The following SLC9A9 variants were observed in gnomAD, a reference collection of about 807,000 sequenced individuals.
SLC9A9 encodes the protein sodium/hydrogen exchanger 9.
Under a neutral mutation model 77.8 loss-of-function variants are expected in SLC9A9, and 62 were observed. The ratio of observed to expected loss-of-function variants is 0.80; its 90% confidence interval spans 0.65 to 0.98. SLC9A9 has a LOEUF of 0.98. Ranked by LOEUF, SLC9A9 falls within the 50% of genes least tolerant of loss-of-function variation. The pLI, the probability that SLC9A9 is intolerant of heterozygous loss-of-function variation, is 0.00. For missense variants in SLC9A9, 775 were observed against 774.9 expected (o/e 1.00, Z 0.00); for synonymous variants, 320 against 283.5 (o/e 1.13, Z -1.29).
intron 14 of SLC9A9, among the ~76,000 whole-genome samples, chr3:143,322,503 A>G (rs866353611): frequency 2.6e-5 from 4 of 151,988 alleles, no homozygotes; most frequent in Non-Finnish European, 5.9e-5. Flanking sequence ...CAGTCTCCAT[A>G]ACTACTGCAT....
rs866452033 is a variant in SLC9A9, at chr3:143,743,288, T to C, written c.534-49981A>G. 7.9e-4 allele frequency among the ~76,000 whole-genome samples: 94 copies of C among 119,716 alleles called. No individual in the cohort carries two copies. The Middle Eastern group carries it at 0.014, about 18-fold the overall frequency. 78.5% of individuals were successfully genotyped at this position (119,716 alleles called of 152,430 possible). On this transcript the variant is annotated intron_variant, in intron 4 of 15. Transcript: ENST00000316549. ...ATAGATAGATAGATAGATAGATAGA[T>C]AGACAGACAGATAGATAGATGATAG... is the stretch of plus-strand genomic sequence containing the variant.
chr3:143,811,967 C>A (rs999700567), intron 2 of SLC9A9, among the ~76,000 whole-genome samples: 1 of 151,806 alleles, frequency 6.6e-6, no homozygotes, highest in East Asian at 1.9e-4. Context: ...ATATGAGGCA[C>A]AAGGAACACC....
In SLC9A9 at chr3:143,486,148, T is replaced by G. The variant is rs1013351155; in HGVS notation, c.1315+7505A>C. ...TAGTCAAAACGCTAAAAGAAAAAAATAAAAAACAAAAACAAAAACAAAAAC... is the reference window on the plus strand; with the variant it reads ...TAGTCAAAACGCTAAAAGAAAAAAAGAAAAAACAAAAACAAAAACAAAAAC... On this transcript the variant is annotated intron_variant, in intron 11 of 15. Coordinates refer to ENST00000316549, the MANE Select transcript of SLC9A9 (RefSeq NM_173653.4). Among the ~76,000 whole-genome samples the G allele has an allele frequency of 2.6e-5, 4 of 151,670 alleles. No individual in the cohort carries two copies. The East Asian group carries it at 7.8e-4, about 29-fold the overall frequency.
chr3:143,426,499 A>G (rs778858912), intron 12 of SLC9A9, among the ~76,000 whole-genome samples: 1 of 152,200 alleles, frequency 6.6e-6, no homozygotes, highest in Non-Finnish European at 1.5e-5. Flanking sequence ...CCATTTCTGG[A>G]AAATGTAGTA....
intron 6 of SLC9A9, among the ~76,000 whole-genome samples, chr3:143,635,180 G>A (rs2038498432): frequency 6.6e-6 from 1 of 152,192 alleles, no homozygotes; most frequent in African/African-American, 2.4e-5. Flanking sequence ...CACATGTCTG[G>A]CAAGTCTTGC....
chr3:143,622,736 C>T (rs769469678), intron 6 of SLC9A9, among the ~76,000 whole-genome samples: 8 of 152,092 alleles, frequency 5.3e-5, no homozygotes, highest in South Asian at 2.1e-4. Flanking sequence ...GCTAACATCA[C>T]AATGACAGGA....
chr3:143,572,281 C>T (rs1265655263), intron 8 of SLC9A9, among the ~76,000 whole-genome samples: 1 of 150,520 alleles, frequency 6.6e-6, no homozygotes, highest in Admixed American at 6.7e-5. Flanking sequence ...CACAAATTGA[C>T]AATTCTTAGG....
At chr3:143,790,034 C>T (rs2008171147) in intron 4 of SLC9A9, among the ~76,000 whole-genome samples, 1 of 152,022 alleles carries the variant, frequency 6.6e-6, no homozygotes, top group Non-Finnish European at 1.5e-5. Flanking sequence ...GGGGAGGGAC[C>T]TTGTGGGAGG....
intron 12 of SLC9A9, among the ~76,000 whole-genome samples, chr3:143,439,726 G>A (rs1046748494): frequency 2.6e-5 from 4 of 151,914 alleles, no homozygotes; most frequent in African/African-American, 7.2e-5. Flanking sequence ...AGCACCCAAC[G>A]AATGAAAAGA....
chr3:143,552,700 C>T (rs1174022133), intron 8 of SLC9A9, among the ~76,000 whole-genome samples: 1 of 152,114 alleles, frequency 6.6e-6, no homozygotes, highest in African/African-American at 2.4e-5. Context: ...GTAGATTCTT[C>T]CTGGAGATAA....
At chr3:143,370,221 T>C (rs1364671282) in intron 13 of SLC9A9, among the ~76,000 whole-genome samples, 3 of 152,228 alleles carry the variant, frequency 2.0e-5, no homozygotes, top group Non-Finnish European at 2.9e-5. Flanking sequence ...TGAAAGGTAT[T>C]GAAATAACGA....
chr3:143,679,940 T>C (rs953042560), intron 5 of SLC9A9, among the ~76,000 whole-genome samples: 1 of 151,896 alleles, frequency 6.6e-6, no homozygotes, highest in East Asian at 1.9e-4. Flanking sequence ...ATGGAATAAA[T>C]AGGATAATGG....
At chr3:143,625,478 G>A (rs1343243027) in intron 6 of SLC9A9, among the ~76,000 whole-genome samples, 2 of 152,160 alleles carry the variant, frequency 1.3e-5, no homozygotes, top group Non-Finnish European at 2.9e-5. Context: ...ATAACCATCT[G>A]ATCTTTGACA....
In SLC9A9 at chr3:143,348,970, T is replaced by C. The variant is rs550731480; in HGVS notation, c.1604+14514A>G. On this transcript the variant is annotated intron_variant, in intron 14 of 15. Coordinates refer to ENST00000316549, the MANE Select transcript of SLC9A9 (RefSeq NM_173653.4). Reference sequence around the variant, plus strand: ...ACTTCTGACTCCTAATCTTGCTGCTTTGTGACTGCTGGGGTTCAACTGCAT... The same window carrying C: ...ACTTCTGACTCCTAATCTTGCTGCTCTGTGACTGCTGGGGTTCAACTGCAT... 1.5e-4 allele frequency among the ~76,000 whole-genome samples: 23 copies of C among 152,316 alleles called. No homozygotes were observed. The South Asian group carries it at 4.4e-3, about 29-fold the overall frequency.
At chr3:143,771,692 A>C (rs182485630) in intron 4 of SLC9A9, among the ~76,000 whole-genome samples, 15 of 152,328 alleles carry the variant, frequency 9.8e-5, no homozygotes. Context: ...ACACTTGGTT[A>C]ATAAGACATG....
rs369748390 is a variant in SLC9A9, at chr3:143,548,398, C to T, written c.1089+3964G>A. ...GTCTGTACATAGTCTTCTGGATGGC[C>T]CTGGGTGAGACCTCCGGGCTACACT... On this transcript the variant is annotated intron_variant, in intron 9 of 15. Transcript: ENST00000316549. Among the ~76,000 whole-genome samples, 99 of 152,058 alleles carry T rather than the reference C, an allele frequency of 6.5e-4. 2 individuals are homozygous for T. The South Asian group carries it at 0.02, about 31-fold the overall frequency.
intron 2 of SLC9A9, among the ~76,000 whole-genome samples, chr3:143,805,088 C>T (rs4101504): frequency 6.5e-4 from 99 of 152,304 alleles, no homozygotes; most frequent in African/African-American, 2.1e-3. Context: ...CAAGTAATTA[C>T]GCTGAACCCC....
chr3:143,348,508 C>T (rs1425857655), intron 14 of SLC9A9, among the ~76,000 whole-genome samples: 1 of 152,100 alleles, frequency 6.6e-6, no homozygotes, highest in Non-Finnish European at 1.5e-5. Flanking sequence ...ATGACAAGTG[C>T]ACCATATTTC....
At chr3:143,604,100 G>T (rs974808523) in intron 6 of SLC9A9, among the ~76,000 whole-genome samples, 5 of 152,260 alleles carry the variant, frequency 3.3e-5, no homozygotes, top group East Asian at 1.9e-4. Context: ...TCACTCTGTT[G>T]CCAGGATGCT....
Sources: allele counts gnomAD v4.1 joint callset (sites outside exome capture counted in the v4.1 genomes callset), GRCh38; gene constraint gnomAD v4.1.1; transcripts MANE v1.5; gene names NCBI Gene and HGNC (gene_info 2026-07-23, HGNC 2026-07-21).